The following SPOCK3 variants were observed in gnomAD, a reference collection of about 807,000 sequenced individuals.
The protein encoded by SPOCK3 is testican-3.
A neutral mutation model predicts 56.6 loss-of-function variants in SPOCK3; 30 were observed. That is an observed-to-expected ratio of 0.53 (90% CI 0.40 to 0.72). The LOEUF is 0.72. SPOCK3 is among the 30% of genes least tolerant of loss of function. The probability of loss-of-function intolerance (pLI) is 0.00; values close to 1 mark genes in which losing one functional copy is unlikely to be tolerated. For missense variants in SPOCK3, 527 were observed against 530.0 expected, an observed-to-expected ratio of 0.99 and a Z score of 0.06; for synonymous variants, 196 against 183.3, an observed-to-expected ratio of 1.07 and a Z score of -0.56.
intron 2 of SPOCK3, among the ~76,000 whole-genome samples, chr4:167,232,322 G>C (rs530604120): frequency 1.3e-5 from 2 of 150,452 alleles, no homozygotes; most frequent in East Asian, 3.9e-4. Context: ...TTCTCCCAGC[G>C]AGGAATCTTG....
intron 2 of SPOCK3, among the ~76,000 whole-genome samples, chr4:167,193,869 A>G (rs1385307013): frequency 1.5e-5 from 2 of 136,724 alleles, no homozygotes; most frequent in African/African-American, 5.9e-5. Flanking sequence ...TTGACTTTGC[A>G]TGGGGTTTTT....
chr4:167,043,552 G>C (rs867002986), intron 3 of SPOCK3, among the ~76,000 whole-genome samples: 1 of 151,922 alleles, frequency 6.6e-6, no homozygotes, highest in Non-Finnish European at 1.5e-5. Context: ...TCATAATTAG[G>C]TATGATGGTA....
intron 4 of SPOCK3, among the ~76,000 whole-genome samples, chr4:166,989,923 C>T (rs991285925): frequency 1.3e-5 from 2 of 152,082 alleles, no homozygotes; most frequent in Non-Finnish European, 2.9e-5. Context: ...TATACCATCC[C>T]TTAGATCTCA....
At chr4:166,754,431 G>C in intron 8 of SPOCK3, 77 bp downstream of exon 8, 5 of 1,528,548 alleles carry the variant, frequency 3.3e-6, no homozygotes, top group Non-Finnish European at 3.5e-6. Context: ...ATAGTGTACT[G>C]TTTTATTTTC....
At chr4:167,036,623 G>A (rs914200141) in intron 3 of SPOCK3, among the ~76,000 whole-genome samples, 6 of 151,970 alleles carry the variant, frequency 3.9e-5, no homozygotes, top group African/African-American at 7.2e-5. Context: ...ATTTTTTAAC[G>A]GAATAGTCTA....
chr4:167,116,314 A>G (rs1761321258), intron 2 of SPOCK3, among the ~76,000 whole-genome samples: 1 of 151,116 alleles, frequency 6.6e-6, no homozygotes, highest in Non-Finnish European at 1.5e-5. Context: ...ATAGAAAATT[A>G]CAAAAGATGA....
intron 3 of SPOCK3, among the ~76,000 whole-genome samples, chr4:167,034,497 T>C (rs1752556169): frequency 1.3e-5 from 2 of 152,036 alleles, no homozygotes; most frequent in African/African-American, 4.8e-5. Context: ...AGCTTAACCA[T>C]CTAATTAAAA....
At chr4:167,192,500 T>A (rs569001749) in intron 2 of SPOCK3, among the ~76,000 whole-genome samples, 1 of 145,938 alleles carries the variant, frequency 6.9e-6, no homozygotes, top group East Asian at 2.1e-4. Context: ...TATTTCTTCT[T>A]AATTCGTTGT....
chr4:167,096,743 T>G (rs900525183), intron 2 of SPOCK3, among the ~76,000 whole-genome samples: 3 of 151,930 alleles, frequency 2.0e-5, no homozygotes, highest in African/African-American at 7.2e-5. Context: ...TGTTCCTTGA[T>G]GTAGTATTCT....
chr4:167,197,220 A>G (rs955231030), intron 2 of SPOCK3, among the ~76,000 whole-genome samples: 2 of 152,066 alleles, frequency 1.3e-5, no homozygotes, highest in African/African-American at 4.8e-5. Context: ...GGTGCTTTCA[A>G]TTTGCCTTTA....
intron 6 of SPOCK3, among the ~76,000 whole-genome samples, chr4:166,857,320 G>C (rs953124695): frequency 6.6e-6 from 1 of 152,192 alleles, no homozygotes; most frequent in Non-Finnish European, 1.5e-5. Flanking sequence ...CTGGCAGGAA[G>C]CTGAGCTGCA....
At chr4:166,942,464 C>G (rs1741202539) in intron 4 of SPOCK3, among the ~76,000 whole-genome samples, 1 of 145,182 alleles carries the variant, frequency 6.9e-6, no homozygotes, top group South Asian at 2.2e-4. Flanking sequence ...CTGCCTTGGC[C>G]TCCACTTAAA....
chr4:167,210,643 G>A (rs1440829188), intron 2 of SPOCK3, among the ~76,000 whole-genome samples: 2 of 152,054 alleles, frequency 1.3e-5, no homozygotes, highest in Non-Finnish European at 2.9e-5. Context: ...GTTTGTTTTT[G>A]AAATGATATA....
At chr4:166,883,178 T>C (rs991361369) in intron 6 of SPOCK3, 3 of 152,212 alleles carry the variant, frequency 2.0e-5, no homozygotes, top group African/African-American at 7.2e-5. Flanking sequence ...TAATCAATAA[T>C]ACTTTTTCCT....
chr4:167,118,523 A>G (rs1761613783), intron 2 of SPOCK3, among the ~76,000 whole-genome samples: 1 of 152,144 alleles, frequency 6.6e-6, no homozygotes, highest in Non-Finnish European at 1.5e-5. Context: ...ATCTTTAGAG[A>G]TGGTCTCATT....
chr4:166,832,400 CAA>C (rs56753414), intron 6 of SPOCK3, among the ~76,000 whole-genome samples: 1 of 149,336 alleles, frequency 6.7e-6, no homozygotes, highest in African/African-American at 2.5e-5. Context: ...ATTAAAAAAT[CAA>C]AAAAAAAACA....
chr4:166,775,790 T>C (rs556091456), intron 7 of SPOCK3, among the ~76,000 whole-genome samples: 10 of 152,162 alleles, frequency 6.6e-5, no homozygotes, highest in Non-Finnish European at 1.5e-4. Context: ...AGTATGAATT[T>C]AAGAATATTT....
intron 6 of SPOCK3, chr4:166,883,004 G>A (rs530864185): frequency 4.1e-4 from 63 of 152,076 alleles, no homozygotes; most frequent in African/African-American, 1.3e-3. Flanking sequence ...TATTAGTTAC[G>A]GAGAAGCATG....
At chr4:167,063,198 A>G (rs530224128) in intron 2 of SPOCK3, among the ~76,000 whole-genome samples, 49 of 152,022 alleles carry the variant, frequency 3.2e-4, no homozygotes, top group African/African-American at 1.1e-3. Context: ...TTTACGATAT[A>G]CTTAGTAAAT....
Sources: allele counts gnomAD v4.1 joint callset (sites outside exome capture counted in the v4.1 genomes callset), GRCh38; gene constraint gnomAD v4.1.1; transcripts MANE v1.5; gene names NCBI Gene and HGNC (gene_info 2026-07-23, HGNC 2026-07-21).